The following GCNT1 variants were observed in gnomAD, a reference collection of about 807,000 sequenced individuals.
GCNT1 encodes the protein beta-1,3-galactosyl-O-glycosyl-glycoprotein beta-1,6-N-acetylglucosaminyltransferase.
GCNT1 carries 16 observed loss-of-function variants against 26.2 expected under a neutral mutation model. The ratio of observed to expected loss-of-function variants is 0.61; its 90% CI spans 0.41 to 0.93. The LOEUF (loss-of-function observed/expected upper bound fraction) is 0.93. Ranked by LOEUF, GCNT1 falls within the 40% of genes least tolerant of loss-of-function variation. GCNT1 has a pLI of 0.00. For synonymous variants in GCNT1, 183 were observed against 190.8 expected (o/e 0.96, Z 0.34); for missense variants, 477 against 526.7 (o/e 0.91, Z 0.92).
At chr9:76,394,214 G>A in the GCNT1 span, 3 of 1,545,488 alleles carry the variant, frequency 1.9e-6, no homozygotes, top group Non-Finnish European at 2.6e-6. Context: ...CGGTCTGCGC[G>A]TCCTGCGGAG....
intron 2 of GCNT1, among the ~76,000 whole-genome samples, chr9:76,470,889 A>G (rs1490474138): frequency 6.6e-6 from 1 of 152,168 alleles, no homozygotes; most frequent in African/African-American, 2.4e-5. Flanking sequence ...GGATCCAGGA[A>G]TGGGCTTAGG....
chr9:76,419,164 A>G (rs57991452), upstream of GCNT1, among the ~76,000 whole-genome samples: 856 of 152,076 alleles, frequency 5.6e-3, 5 homozygotes, highest in African/African-American at 0.02. Context: ...CTTTCTTTCG[A>G]TTCTCAGTGC....
intron 2 of GCNT1, among the ~76,000 whole-genome samples, chr9:76,490,974 C>T (rs1824718069): frequency 6.6e-6 from 1 of 152,270 alleles, no homozygotes; most frequent in African/African-American, 2.4e-5. Context: ...ATACTGACAA[C>T]AAGGTGGTAC....
intron 1 of GCNT1, among the ~76,000 whole-genome samples, chr9:76,444,782 G>C (rs1054669627): frequency 7.9e-5 from 12 of 152,166 alleles, no homozygotes; most frequent in Non-Finnish European, 2.9e-5. Flanking sequence ...TGTTGTTCTG[G>C]AGACCTCAGC....
chr9:76,486,077 G>T (rs1022574521), intron 2 of GCNT1, among the ~76,000 whole-genome samples: 2 of 152,206 alleles, frequency 1.3e-5, no homozygotes, highest in Admixed American at 1.3e-4. Context: ...AAACTTGGGG[G>T]CCAGATTATG....
intron 2 of GCNT1, among the ~76,000 whole-genome samples, 179 bp downstream of exon 2, chr9:76,460,356 T>C (rs879689335): frequency 3.3e-5 from 5 of 152,224 alleles, no homozygotes; most frequent in Non-Finnish European, 7.4e-5. Context: ...GAGATGAGAA[T>C]GCGGCCACAG....
At chr9:76,464,060 A>C (rs1442918659) in intron 2 of GCNT1, among the ~76,000 whole-genome samples, 1 of 149,950 alleles carries the variant, frequency 6.7e-6, no homozygotes, top group Non-Finnish European at 1.5e-5. Context: ...TTTTGTAAAA[A>C]TAATAATAAA....
intron 2 of GCNT1, among the ~76,000 whole-genome samples, chr9:76,497,232 T>C (rs1241479363): frequency 1.3e-5 from 2 of 152,210 alleles, no homozygotes; most frequent in Non-Finnish European, 2.9e-5. Flanking sequence ...GGGTGTGTAA[T>C]TTTTGGTAAA....
upstream of GCNT1, chr9:76,441,530 A>C (rs1212869429): frequency 6.6e-6 from 1 of 152,232 alleles, no homozygotes; most frequent in Non-Finnish European, 1.5e-5. Context: ...GATGTACAAA[A>C]AGTCCACATT....
intron 2 of GCNT1, among the ~76,000 whole-genome samples, chr9:76,470,137 G>A (rs976093857): frequency 1.3e-5 from 2 of 152,048 alleles, no homozygotes; most frequent in African/African-American, 4.8e-5. Flanking sequence ...TAAGTCAAGT[G>A]TAAATGTAAC....
chr9:76,394,429 C>G, the GCNT1 span: 1 of 385,120 alleles, frequency 2.6e-6, no homozygotes, highest in Non-Finnish European at 4.6e-6. Flanking sequence ...AAGTAAGTGC[C>G]GGGTGTGAGC....
At chr9:76,414,194 A>G in the GCNT1 span, among the ~76,000 whole-genome samples, 1 of 152,214 alleles carries the variant, frequency 6.6e-6, no homozygotes, top group Non-Finnish European at 1.5e-5. Context: ...CATCACTGCC[A>G]TATCTAGTCT....
At chr9:76,415,245 C>T (rs966388487), upstream of GCNT1, among the ~76,000 whole-genome samples, 1 of 152,116 alleles carries the variant, frequency 6.6e-6, no homozygotes, top group African/African-American at 2.4e-5. Flanking sequence ...CTTGTGGAGA[C>T]AGAGTTTCAC....
intron 2 of GCNT1, among the ~76,000 whole-genome samples, chr9:76,469,740 A>G (rs1022738405): frequency 6.6e-6 from 1 of 152,138 alleles, no homozygotes; most frequent in Non-Finnish European, 1.5e-5. Context: ...AAGGCTTGCC[A>G]TTGTTCCTGC....
At chr9:76,479,132 T>C (rs1824343395) in intron 2 of GCNT1, among the ~76,000 whole-genome samples, 1 of 152,198 alleles carries the variant, frequency 6.6e-6, no homozygotes, top group Non-Finnish European at 1.5e-5. Context: ...CTTGCGATAG[T>C]TTGCTGAGAA....
At chr9:76,484,322 A>T (rs1824507058) in intron 2 of GCNT1, among the ~76,000 whole-genome samples, 1 of 151,942 alleles carries the variant, frequency 6.6e-6, no homozygotes, top group Admixed American at 6.6e-5. Flanking sequence ...GTGAGCCAAG[A>T]TAATGACATT....
At chr9:76,427,198 C>CTTTTT (rs35341377) in intron 1 of GCNT1, among the ~76,000 whole-genome samples, 2 of 142,034 alleles carry the variant, frequency 1.4e-5, no homozygotes, top group African/African-American at 2.6e-5. Flanking sequence ...CTGCCAACAC[C>CTTTTT]TTTTTTTTTT....
At chr9:76,446,917 G>A (rs1823585778) in intron 1 of GCNT1, among the ~76,000 whole-genome samples, 1 of 152,086 alleles carries the variant, frequency 6.6e-6, no homozygotes, top group Non-Finnish European at 1.5e-5. Context: ...CACTTTGGGA[G>A]GCTGAGACGG....
intron 2 of GCNT1, among the ~76,000 whole-genome samples, chr9:76,484,307 C>CT (rs1824506552): frequency 6.6e-6 from 1 of 151,322 alleles, no homozygotes. Flanking sequence ...GAGTTTGAGC[C>CT]TGCAGTGAGC....
Sources: allele counts gnomAD v4.1 joint callset (sites outside exome capture counted in the v4.1 genomes callset), GRCh38; gene constraint gnomAD v4.1.1; transcripts MANE v1.5; gene names NCBI Gene and HGNC (gene_info 2026-07-23, HGNC 2026-07-21).